The following TCF7L2 variants were observed in gnomAD, a reference collection of about 807,000 sequenced individuals.
TCF7L2 encodes transcription factor 7-like 2.
TCF7L2 carries 23 observed loss-of-function variants against 77.9 expected under a neutral mutation model. The ratio of observed to expected loss-of-function variants is 0.30; its 90% CI spans 0.21 to 0.42. The LOEUF (loss-of-function observed/expected upper bound fraction) is 0.42. TCF7L2 is among the 10% of genes least tolerant of loss of function. The pLI, the probability that TCF7L2 is intolerant of heterozygous loss-of-function variation, is 1.00. For synonymous variants in TCF7L2, 413 were observed against 340.2 expected (o/e 1.21, Z -2.36); for missense variants, 654 against 793.1 (o/e 0.82, Z 2.11).
intron 5 of TCF7L2, chr10:113,130,064 A>C: frequency 9.9e-7 from 1 of 1,008,640 alleles, no homozygotes; most frequent in Non-Finnish European, 1.2e-6. Context: ...ATTGACCATT[A>C]AACCTATGCT....
intron 5 of TCF7L2, among the ~76,000 whole-genome samples, chr10:113,062,124 G>A (rs138937769): frequency 6.6e-6 from 1 of 152,288 alleles, no homozygotes; most frequent in East Asian, 1.9e-4. Flanking sequence ...AGCAGACATC[G>A]TGTGACTGTG....
chr10:113,069,178 C>T (rs1028761894), intron 5 of TCF7L2, among the ~76,000 whole-genome samples: 4 of 150,788 alleles, frequency 2.7e-5, no homozygotes, highest in Admixed American at 6.6e-5. Context: ...TTGCGGTGGG[C>T]GCTGTAAATG....
chr10:112,971,966 G>A (rs1235825915), intron 4 of TCF7L2, among the ~76,000 whole-genome samples: 2 of 151,284 alleles, frequency 1.3e-5, no homozygotes, highest in East Asian at 3.9e-4. Flanking sequence ...TATTTCCCAG[G>A]CTGGTGTGCA....
intron 5 of TCF7L2, among the ~76,000 whole-genome samples, chr10:113,135,865 GT>G (rs2067313651): frequency 6.6e-6 from 1 of 152,204 alleles, no homozygotes. Context: ...CTAGGATGCA[GT>G]GATTGGTAGG....
chr10:112,960,605 G>A (rs1197866029), intron 3 of TCF7L2, among the ~76,000 whole-genome samples: 2 of 152,178 alleles, frequency 1.3e-5, no homozygotes, highest in African/African-American at 4.8e-5. Flanking sequence ...CATGTTTGCC[G>A]GATGAGGAAA....
At position 112,950,717 on chromosome 10, in the gene TCF7L2, C is replaced by T. The variant is rs1380180889; in HGVS notation, c.-40C>T. On this transcript the variant is annotated 5_prime_UTR_variant, in exon 1 of 14. Coordinates refer to ENST00000627217, the MANE Select transcript of TCF7L2 (RefSeq NM_001146274.2). ...TTTTTTTTGGCTTTTCTTCCTCCTTCATTTTTCTTCCAAAATTGCTGCTGG... is the reference window on the plus strand; with the variant it reads ...TTTTTTTTGGCTTTTCTTCCTCCTTTATTTTTCTTCCAAAATTGCTGCTGG... 2.0e-6 allele frequency: 3 copies of T among 1,523,538 alleles called. No homozygotes were observed. In the African/African-American group the frequency reaches 4.2e-5, roughly 22 times the overall value. The allele number at this position is 1,523,538 out of a possible 1,614,324, so 94.4% of individuals were successfully genotyped here.
chr10:113,086,895 G>A (rs976601679), intron 5 of TCF7L2, among the ~76,000 whole-genome samples: 1 of 151,994 alleles, frequency 6.6e-6, no homozygotes, highest in African/African-American at 2.4e-5. Flanking sequence ...TTTGTATTCT[G>A]TAAGAGGATT....
chr10:113,040,677 A>G (rs1357798169), intron 5 of TCF7L2, among the ~76,000 whole-genome samples: 2 of 152,038 alleles, frequency 1.3e-5, no homozygotes, highest in Non-Finnish European at 1.5e-5. Flanking sequence ...CTATACATCC[A>G]TGGCTTTGAA....
Position 113,161,594 on chromosome 10 carries a change from T to C in TCF7L2, c.1391+903T>C, listed in dbSNP as rs145783646. 2.0e-6 allele frequency: 3 copies of C among 1,536,170 alleles called. No homozygotes were observed. The African/African-American group carries it at 4.1e-5, about 21-fold the overall frequency. On this transcript the variant is annotated intron_variant, in intron 13 of 13. Coordinates refer to ENST00000627217, the MANE Select transcript of TCF7L2 (RefSeq NM_001146274.2). ...ATACAAGCAGTCTTTGAATTTGGAA[T>C]ATTACAATGGTAGGTATTTCAACAC...
intron 12 of TCF7L2, 132 bp downstream of exon 14, chr10:113,160,124 A>G (rs1245390217): frequency 1.3e-6 from 1 of 762,550 alleles, no homozygotes; most frequent in East Asian, 2.7e-5. Context: ...GGACACTGCC[A>G]AGTGTATGGG....
chr10:113,141,042 G>GT (rs1405703226), intron 5 of TCF7L2, 142 bp from the exon 6 acceptor site: 1 of 957,420 alleles, frequency 1.0e-6, no homozygotes, highest in Non-Finnish European at 1.6e-6. Context: ...ACTGGGGGGA[G>GT]TATGGGATGG....
intron 11 of TCF7L2, among the ~76,000 whole-genome samples, chr10:113,155,739 A>G (rs2071735996): frequency 6.6e-6 from 1 of 152,224 alleles, no homozygotes; most frequent in African/African-American, 2.4e-5. Context: ...TGAATACTTC[A>G]GGCTCCTAAA....
chr10:113,141,838 C>G (rs559839046), intron 6 of TCF7L2, among the ~76,000 whole-genome samples: 1 of 152,184 alleles, frequency 6.6e-6, no homozygotes, highest in East Asian at 1.9e-4. Flanking sequence ...TCTGCATTTT[C>G]TTTGCTAATT....
chr10:113,034,876 A>G (rs190170507), intron 4 of TCF7L2, among the ~76,000 whole-genome samples: 67 of 152,326 alleles, frequency 4.4e-4, no homozygotes, highest in Non-Finnish European at 9.0e-4. Context: ...AGCCTAGGCA[A>G]CAGAGTAAGA....
chr10:113,040,909 G>A (rs2052331633), intron 5 of TCF7L2, among the ~76,000 whole-genome samples: 1 of 152,100 alleles, frequency 6.6e-6, no homozygotes, highest in Admixed American at 6.5e-5. Flanking sequence ...ATTAATGGAA[G>A]GCATATTTTT....
chr10:113,153,406 G>A (rs540293462), intron 11 of TCF7L2, among the ~76,000 whole-genome samples: 3 of 152,204 alleles, frequency 2.0e-5, no homozygotes, highest in East Asian at 1.9e-4. Context: ...TCTTAAGGCC[G>A]GCACAGGCCT....
chr10:112,978,342 T>C (rs2039820121), intron 4 of TCF7L2, among the ~76,000 whole-genome samples: 1 of 152,320 alleles, frequency 6.6e-6, no homozygotes, highest in African/African-American at 2.4e-5. Context: ...GCATTGAACT[T>C]GAGAGGCAGT....
intron 4 of TCF7L2, among the ~76,000 whole-genome samples, chr10:113,009,281 T>A (rs915774218): frequency 1.3e-5 from 2 of 152,188 alleles, no homozygotes; most frequent in Non-Finnish European, 2.9e-5. Flanking sequence ...CACCATTTTT[T>A]GAGCTGGATG....
At chr10:112,953,259 G>A (rs185699463) in intron 3 of TCF7L2, among the ~76,000 whole-genome samples, 1 of 151,976 alleles carries the variant, frequency 6.6e-6, no homozygotes, top group Non-Finnish European at 1.5e-5. Context: ...TTCCCCCCCT[G>A]CCCGGCGCCC....
Sources: allele counts gnomAD v4.1 joint callset (sites outside exome capture counted in the v4.1 genomes callset), GRCh38; gene constraint gnomAD v4.1.1; transcripts MANE v1.5; gene names NCBI Gene and HGNC (gene_info 2026-07-23, HGNC 2026-07-21).